Variants in CCL28 observed in about 807,000 individuals in gnomAD.
CCL28 encodes the protein C-C motif chemokine ligand 28.
In CCL28, 4 loss-of-function variants were observed where a neutral mutation model predicts 7.1. That is an observed-to-expected ratio of 0.56 (90% CI 0.28 to 1.29). The LOEUF (loss-of-function observed/expected upper bound fraction) is 1.29, where lower values mean the gene tolerates loss of function less well. Ranked by LOEUF, CCL28 falls within the 50% of genes most tolerant of loss-of-function variation. The pLI is 0.11. For synonymous variants in CCL28, 55 were observed against 57.8 expected (o/e 0.95, Z 0.22); for missense variants, 151 against 163.4 (o/e 0.92, Z 0.41).
the CCL28 span, among the ~76,000 whole-genome samples, chr5:43,370,745 T>TC: frequency 6.4e-5 from 2 of 31,192 alleles, no homozygotes; most frequent in South Asian, 6.6e-4. Context: ...TTTCTCTCTC[T>TC]TTTTTTTTTT....
In CCL28 at chr5:43,412,372, A is replaced by G. The variant is rs1386150401; in HGVS notation, c.-56T>C. The stretch of plus-strand genomic sequence containing the variant: ...CACAAGTGAGGCTGTTCGATCAGGA[A>G]ATGAGGCTAAAGGTGTCCTTGGGCA... On this transcript the variant is annotated 5_prime_UTR_variant, in exon 1 of 3. Transcript: ENST00000361115. 6.5e-7 allele frequency: 1 copy of G among 1,533,308 alleles called. No homozygotes were observed. Among genetic ancestry groups the G allele is most frequent in the Non-Finnish European group, 9.0e-7 (1 of 1,115,580 alleles). 95.0% of individuals were successfully genotyped at this position (1,533,308 alleles called of 1,614,324 possible).
chr5:43,403,158 A>T (rs1741113465), intron 1 of CCL28, among the ~76,000 whole-genome samples: 1 of 152,222 alleles, frequency 6.6e-6, no homozygotes, highest in Non-Finnish European at 1.5e-5. Context: ...CTTTGAAGAG[A>T]GTAGTGGTTC....
At chr5:43,357,277 G>A in the CCL28 span, among the ~76,000 whole-genome samples, 3 of 152,268 alleles carry the variant, frequency 2.0e-5, no homozygotes, top group African/African-American at 4.8e-5. Flanking sequence ...AAGTCAAGGC[G>A]AGAAGAAATA....
At chr5:43,402,006 C>T (rs1408558950) in intron 1 of CCL28, among the ~76,000 whole-genome samples, 1 of 152,134 alleles carries the variant, frequency 6.6e-6, no homozygotes, top group Non-Finnish European at 1.5e-5. Flanking sequence ...CTAGCAGCAC[C>T]CCTACAGGCA....
intron 2 of CCL28, among the ~76,000 whole-genome samples, chr5:43,387,254 T>A (rs1343143653): frequency 6.6e-6 from 1 of 152,218 alleles, no homozygotes; most frequent in Non-Finnish European, 1.5e-5. Flanking sequence ...TGGGTTCACA[T>A]CCTGTTTCTG....
At chr5:43,402,734 A>G (rs528828269) in intron 1 of CCL28, among the ~76,000 whole-genome samples, 55 of 152,334 alleles carry the variant, frequency 3.6e-4, no homozygotes, top group Non-Finnish European at 6.5e-4. Context: ...CAGGAAGTGC[A>G]AGGGGTCGGG....
intron 1 of CCL28, among the ~76,000 whole-genome samples, chr5:43,403,063 C>T (rs943928785): frequency 2.0e-5 from 3 of 152,230 alleles, no homozygotes; most frequent in South Asian, 2.1e-4. Context: ...CTGCCTGCCT[C>T]TGTAGACTCC....
intron 1 of CCL28, among the ~76,000 whole-genome samples, chr5:43,403,640 A>C (rs1394451788): frequency 6.6e-6 from 1 of 152,250 alleles, no homozygotes. Context: ...CTCACCAGCA[A>C]TGGAACAAAG....
At chr5:43,401,103 GA>G (rs969288457) in intron 1 of CCL28, among the ~76,000 whole-genome samples, 7 of 150,426 alleles carry the variant, frequency 4.7e-5, no homozygotes, top group South Asian at 2.1e-4. Flanking sequence ...AAAAGAAAAA[GA>G]AAAAAAAGGC....
At chr5:43,404,391 T>G (rs1417091602) in intron 1 of CCL28, among the ~76,000 whole-genome samples, 1 of 152,182 alleles carries the variant, frequency 6.6e-6, no homozygotes, top group Non-Finnish European at 1.5e-5. Context: ...ACTCAGAATC[T>G]CATATCCACC....
intron 2 of CCL28, among the ~76,000 whole-genome samples, chr5:43,385,123 T>C (rs1274336834): frequency 1.3e-5 from 2 of 152,168 alleles, no homozygotes; most frequent in Non-Finnish European, 2.9e-5. Context: ...GGTCTCGATC[T>C]TCTGACCTCG....
At chr5:43,400,574 C>T (rs1428333092) in intron 1 of CCL28, among the ~76,000 whole-genome samples, 1 of 152,108 alleles carries the variant, frequency 6.6e-6, no homozygotes, top group African/African-American at 2.4e-5. Flanking sequence ...TCTCACTACT[C>T]AAAGTGTGGC....
chr5:43,366,975 A>G, the CCL28 span, among the ~76,000 whole-genome samples: 5 of 151,910 alleles, frequency 3.3e-5, no homozygotes, highest in African/African-American at 1.2e-4. Flanking sequence ...TTTACACTGC[A>G]TTTGTGTTTA....
chr5:43,407,275 G>T (rs1435552085), intron 1 of CCL28, among the ~76,000 whole-genome samples: 1 of 152,100 alleles, frequency 6.6e-6, no homozygotes, highest in Admixed American at 6.6e-5. Context: ...AAACAGCATG[G>T]TACTAGTACC....
At chr5:43,364,657 G>A in the CCL28 span, among the ~76,000 whole-genome samples, 1 of 152,118 alleles carries the variant, frequency 6.6e-6, no homozygotes, top group Non-Finnish European at 1.5e-5. Context: ...ACAGTGGGGT[G>A]TTAAAGTCTC....
chr5:43,357,720 A>C, the CCL28 span, among the ~76,000 whole-genome samples: 3 of 152,252 alleles, frequency 2.0e-5, no homozygotes, highest in East Asian at 5.8e-4. Context: ...GTAGGCTACA[A>C]CATTTTCTCA....
intron 2 of CCL28, among the ~76,000 whole-genome samples, chr5:43,385,656 GAATTA>G (rs1324028223): frequency 1.3e-5 from 2 of 152,086 alleles, no homozygotes; most frequent in African/African-American, 2.4e-5. Flanking sequence ...AAATACTACA[GAATTA>G]AATTTAATTT....
chr5:43,386,716 A>G (rs1007490917), intron 2 of CCL28, among the ~76,000 whole-genome samples: 8 of 152,246 alleles, frequency 5.3e-5, no homozygotes, highest in Non-Finnish European at 8.8e-5. Context: ...ATCAACAGAC[A>G]TCTTACAAAC....
chr5:43,378,011 CG>C (rs1367646481), downstream of CCL28, among the ~76,000 whole-genome samples: 1 of 131,720 alleles, frequency 7.6e-6, no homozygotes. Flanking sequence ...GGATTACAGG[CG>C]TGAGCCACCG....
Sources: gnomAD v4.1 joint callset for allele counts (sites outside exome capture counted in the v4.1 genomes callset) on GRCh38, gnomAD v4.1.1 for gene constraint, MANE v1.5 for transcripts, NCBI Gene and HGNC (gene_info 2026-07-23, HGNC 2026-07-21) for gene names.